The following PDZD2 variants were observed in gnomAD, a reference collection of about 807,000 sequenced individuals.
PDZD2 encodes the protein PDZ domain-containing protein 2.
PDZD2 carries 90 observed loss-of-function variants against 220.7 expected under a neutral mutation model. That is an observed-to-expected ratio of 0.41 (90% CI 0.34 to 0.49). PDZD2 has a LOEUF of 0.49. Ranked by LOEUF, PDZD2 falls within the 20% of genes least tolerant of loss-of-function variation. PDZD2 has a pLI of 0.28. For synonymous variants in PDZD2, 1,375 were observed against 1,450.5 expected, an observed-to-expected ratio of 0.95 and a Z score of 1.18; for missense variants, 3,174 against 3,608.5, an observed-to-expected ratio of 0.88 and a Z score of 3.08.
rs1175447381 is a variant in PDZD2 at position 31,639,187 on chromosome 5, G to A, written c.-611G>A. Among the ~76,000 whole-genome samples, 1 of 151,962 alleles carries A rather than the reference G, an allele frequency of 6.6e-6. No individual in the cohort carries two copies. The highest frequency in any genetic ancestry group is 2.4e-5 in the African/African-American group (1 of 41,414). On this transcript the variant is annotated 5_prime_UTR_variant, in exon 1 of 25. It adds an upstream start codon to the 5' untranslated region. Transcript: ENST00000438447. This position sits in a 1 kb window ranked among gnomAD's most constrained non-coding sequence, Gnocchi z 4.1. ...GAGGAGCGGACCCCAGCGCCGGTGC[G>A]TGCCGGCCCCGGGCAGCGGGACGCG...
chr5:31,755,031 G>C (rs564496738), intron 1 of PDZD2, among the ~76,000 whole-genome samples: 4 of 152,336 alleles, frequency 2.6e-5, no homozygotes, highest in African/African-American at 7.2e-5. Flanking sequence ...GGATGTTGAT[G>C]TTGTGTGATG....
At chr5:31,961,056 G>A (rs1398496101) in intron 2 of PDZD2, among the ~76,000 whole-genome samples, 5 of 152,168 alleles carry the variant, frequency 3.3e-5, no homozygotes, top group Non-Finnish European at 7.3e-5. Context: ...CTGCTCCTCA[G>A]CACAAGACTG....
At chr5:31,725,845 G>C in intron 1 of PDZD2, 1 of 797,430 alleles carries the variant, frequency 1.3e-6, no homozygotes, top group South Asian at 1.4e-5. Flanking sequence ...TGCCGGAATG[G>C]CTTCTGCTAC....
chr5:31,922,237 C>T (rs560751357), intron 2 of PDZD2, among the ~76,000 whole-genome samples: 7 of 152,244 alleles, frequency 4.6e-5, no homozygotes, highest in South Asian at 2.1e-4. Context: ...ACAGAATGGA[C>T]GTAATTCCAA....
intron 1 of PDZD2, among the ~76,000 whole-genome samples, chr5:31,793,467 G>A (rs1177085526): frequency 1.3e-5 from 2 of 152,184 alleles, no homozygotes; most frequent in Non-Finnish European, 2.9e-5. Context: ...ACTTCATTCA[G>A]GACTTGTTAT....
At chr5:31,877,760 G>A (rs571438544) in intron 2 of PDZD2, among the ~76,000 whole-genome samples, 1 of 152,154 alleles carries the variant, frequency 6.6e-6, no homozygotes, top group African/African-American at 2.4e-5. Flanking sequence ...CATGATCTTG[G>A]CTCACTGCAA....
chr5:32,070,255 A>G (rs1026142241), intron 15 of PDZD2, among the ~76,000 whole-genome samples: 1 of 152,238 alleles, frequency 6.6e-6, no homozygotes, highest in Non-Finnish European at 1.5e-5. Flanking sequence ...TCAGATTGCT[A>G]CCTGGGAGGA....
intron 2 of PDZD2, among the ~76,000 whole-genome samples, chr5:31,860,398 T>G (rs1053789468): frequency 6.6e-6 from 1 of 152,214 alleles, no homozygotes; most frequent in African/African-American, 2.4e-5. Flanking sequence ...TTCTCCCACC[T>G]GCTAAGTTAC....
At chr5:32,013,322 CTT>C (rs11428109) in intron 6 of PDZD2, among the ~76,000 whole-genome samples, 7 of 135,792 alleles carry the variant, frequency 5.2e-5, no homozygotes, top group Non-Finnish European at 9.5e-5. Context: ...TCTGTGTTAT[CTT>C]TTTTTTTTTT....
intron 1 of PDZD2, among the ~76,000 whole-genome samples, chr5:31,790,349 C>T (rs761147633): frequency 2.6e-5 from 4 of 152,204 alleles, no homozygotes; most frequent in Non-Finnish European, 4.4e-5. Context: ...CCTCCCACCT[C>T]GGCCTCCCAA....
chr5:31,672,730 C>T (rs1254907342), intron 1 of PDZD2, among the ~76,000 whole-genome samples: 1 of 152,154 alleles, frequency 6.6e-6, no homozygotes, highest in East Asian at 1.9e-4. Context: ...ACAGGTCTGC[C>T]AACCTGAAAT....
At chr5:32,039,846 A>C (rs1349542975) in intron 7 of PDZD2, among the ~76,000 whole-genome samples, 1 of 145,136 alleles carries the variant, frequency 6.9e-6, no homozygotes, top group Non-Finnish European at 1.5e-5. Flanking sequence ...CTGGGAAGTG[A>C]GGAGCGCCTC....
At position 32,059,359 on chromosome 5, in the gene PDZD2, T is replaced by C. The variant is rs377754117; in HGVS notation, c.2318+3T>C. On this transcript the variant is annotated splice_donor_region_variant and intron_variant, in intron 13 of 24. Transcript: ENST00000438447. ...GCCAAGATGGAGAGCAACCTGAGGT[T>C]TGTTGTTTGCCTGATAGTGTAAGGT... The C allele has an allele frequency of 5.3e-5, 79 of 1,481,902 alleles. No homozygotes were observed. Among genetic ancestry groups the C allele is most frequent in the Non-Finnish European group, 7.5e-5 (79 of 1,059,526 alleles). 91.8% of individuals were successfully genotyped at this position (1,481,902 alleles called of 1,614,324 possible).
At chr5:31,845,584 G>A (rs1757540257) in intron 2 of PDZD2, among the ~76,000 whole-genome samples, 1 of 152,220 alleles carries the variant, frequency 6.6e-6, no homozygotes. Flanking sequence ...GGCAAACAGT[G>A]AGTTTGTGCA....
At chr5:32,027,395 A>G (rs1410679485) in intron 6 of PDZD2, among the ~76,000 whole-genome samples, 1 of 152,250 alleles carries the variant, frequency 6.6e-6, no homozygotes, top group Non-Finnish European at 1.5e-5. Context: ...GCATAAAAAT[A>G]ATCACTCTCA....
intron 1 of PDZD2, among the ~76,000 whole-genome samples, chr5:31,687,678 A>G (rs556024830): frequency 6.6e-6 from 1 of 152,168 alleles, no homozygotes; most frequent in African/African-American, 2.4e-5. Flanking sequence ...GTATTTTGTC[A>G]TAGTTCTGGA....
At chr5:31,882,303 A>G (rs1561538549) in intron 2 of PDZD2, among the ~76,000 whole-genome samples, 3 of 152,186 alleles carry the variant, frequency 2.0e-5, no homozygotes, top group Non-Finnish European at 4.4e-5. Flanking sequence ...TTGGAGTTAG[A>G]AGAATAGCAG....
At chr5:31,673,293 T>C (rs1746284813) in intron 1 of PDZD2, among the ~76,000 whole-genome samples, 1 of 152,148 alleles carries the variant, frequency 6.6e-6, no homozygotes, top group African/African-American at 2.4e-5. Flanking sequence ...TGAGTATGTA[T>C]GTGTTGATGT....
At chr5:31,701,011 G>T (rs1202231449) in intron 1 of PDZD2, among the ~76,000 whole-genome samples, 1 of 152,214 alleles carries the variant, frequency 6.6e-6, no homozygotes, top group Non-Finnish European at 1.5e-5. Context: ...GCCTCTGGCT[G>T]TGCCCAAGGG....
Sources: gnomAD v4.1 joint callset for allele counts (sites outside exome capture counted in the v4.1 genomes callset) on GRCh38, gnomAD v4.1.1 for gene constraint, Gnocchi (gnomAD v3.1) non-coding constraint, MANE v1.5 for transcripts, NCBI Gene and HGNC (gene_info 2026-07-23, HGNC 2026-07-21) for gene names.